CCR9: variants seen among roughly 807,000 people sequenced by gnomAD.
CCR9 encodes C-C chemokine receptor type 9.
CCR9 carries 4 observed loss-of-function variants against 8.7 expected under a neutral mutation model. The ratio of observed to expected loss-of-function variants is 0.46; its 90% CI spans 0.23 to 1.06. The LOEUF is 1.06. CCR9 is among the 50% of genes least tolerant of loss of function. CCR9 has a pLI of 0.21. For missense variants in CCR9, 394 were observed against 453.6 expected, an observed-to-expected ratio of 0.87 and a Z score of 1.19; for synonymous variants, 159 against 168.8, an observed-to-expected ratio of 0.94 and a Z score of 0.45.
Position 45,901,728 on chromosome 3 carries a change from C to G in CCR9, c.940C>G (p.Pro314Ala). 6.2e-7 allele frequency: 1 copy of G among 1,614,204 alleles called. No homozygotes were observed. Among genetic ancestry groups the G allele is most frequent in the South Asian group, 1.1e-5 (1 of 91,078 alleles). The change falls in exon 3 of 3, where the codon CCT becomes GCT. Residue 314 changes from proline to alanine, a missense_variant. Physicochemically the swap from Pro to Ala is conservative, Grantham distance 27 (BLOSUM62 -1). Transcript: ENST00000357632. The surrounding 1 kb of genome is among the most constrained non-coding windows in gnomAD (Gnocchi z 4.3). ...CGCCTTCTTCCACAGTTGCCTGAAC[C>G]CTGTTCTCTATGTTTTTGTGGGTGA... ...TIAFFHSCLN[P>A]VLYVFVGERF...
chr3:45,901,070 C>T lies in CCR9; in HGVS notation c.282C>T (p.Asp94=), dbSNP rs764165054. The change falls in exon 3 of 3, where the codon GAC becomes GAT. Residue 94 remains aspartate, a synonymous_variant. Transcript: ENST00000357632. This position sits in a 1 kb window ranked among gnomAD's most constrained non-coding sequence, Gnocchi z 4.3. ...TCCTTTTGAATTTGGCAATTGCTGACCTCCTCTTTCTTGTCACTCTTCCCT... is the reference window on the plus strand; with the variant it reads ...TCCTTTTGAATTTGGCAATTGCTGATCTCCTCTTTCTTGTCACTCTTCCCT... ...DMFLLNLAIA[D]LLFLVTLPFW... is the part of the protein sequence containing the mutation. 6.2e-7 allele frequency: 1 copy of T among 1,614,200 alleles called. No individual in the cohort carries two copies. The highest frequency in any genetic ancestry group is 1.1e-5 in the South Asian group (1 of 91,088).
chr3:45,901,773 G>T lies in CCR9; in HGVS notation c.985G>T (p.Val329Leu). The T allele has an allele frequency of 6.2e-7, 1 of 1,614,156 alleles. No individual in the cohort carries two copies. Among genetic ancestry groups the T allele is most frequent in the Non-Finnish European group, 8.5e-7 (1 of 1,180,042 alleles). ...FVGERFRRDL[V>L]KTLKNLGCIS... ...GGGTGAGAGATTCCGCCGGGATCTC[G>T]TGAAAACCCTGAAGAACTTGGGTTG... The change falls in exon 3 of 3, where the codon GTG becomes TTG. Residue 329 changes from valine (V) to leucine (L), a missense_variant. By Grantham distance (32) the Val-to-Leu change is conservative. Coordinates refer to ENST00000357632, the MANE Select transcript of CCR9 (RefSeq NM_031200.3). This position sits in a 1 kb window ranked among gnomAD's most constrained non-coding sequence, Gnocchi z 4.3.
chr3:45,898,505 A>G (rs1702441169), intron 2 of CCR9, among the ~76,000 whole-genome samples: 1 of 152,206 alleles, frequency 6.6e-6, no homozygotes, highest in Non-Finnish European at 1.5e-5. Flanking sequence ...TTTGTGGGCC[A>G]TTTCCAGCTG....
At position 45,902,097 on chromosome 3, in the gene CCR9, T is replaced by G; in HGVS notation, c.*199T>G. On this transcript the variant is annotated 3_prime_UTR_variant, in exon 3 of 3. Transcript: ENST00000357632. Reference sequence around the variant, plus strand: ...ACTGACTAGTGCAGGAGGCTGTTGATTGGCTCTTGACTGTGATGCCCGCAA... The same window carrying G: ...ACTGACTAGTGCAGGAGGCTGTTGAGTGGCTCTTGACTGTGATGCCCGCAA... The G allele has an allele frequency of 1.8e-6, 1 of 549,046 alleles. No individual in the cohort carries two copies. Among genetic ancestry groups the G allele is most frequent in the Non-Finnish European group, 3.2e-6 (1 of 307,988 alleles). 34.0% of individuals were successfully genotyped at this position (549,046 alleles called of 1,614,324 possible). A position where few individuals can be genotyped will look rare whatever the true frequency, so the allele number is the denominator to read the frequency against.
chr3:45,899,974 C>A (rs934232448), intron 2 of CCR9, among the ~76,000 whole-genome samples: 2 of 151,946 alleles, frequency 1.3e-5, no homozygotes, highest in Admixed American at 6.6e-5. Flanking sequence ...TGAGTGTGTA[C>A]CTATGTGTAT....
At chr3:45,892,100 C>T (rs1347310379) in intron 1 of CCR9, among the ~76,000 whole-genome samples, 2 of 152,110 alleles carry the variant, frequency 1.3e-5, no homozygotes, top group African/African-American at 4.8e-5. Flanking sequence ...GATCAGGGCA[C>T]TAGGTGCTAA....
In CCR9 at chr3:45,901,177, T is replaced by A. The variant is rs1459692450; in HGVS notation, c.389T>A (p.Phe130Tyr). The change falls in exon 3 of 3, where the codon TTC becomes TAC. Residue 130 changes from phenylalanine to tyrosine, a missense_variant. Transcript: ENST00000357632. The surrounding 1 kb of genome is among the most constrained non-coding windows in gnomAD (Gnocchi z 4.3). ...GTCAACAGCATGTACAAGATGAACT[T>A]CTACAGCTGTGTGTTGCTGATCATG... Reference protein sequence around the residue: ...KVVNSMYKMNFYSCVLLIMCI... With the variant: ...KVVNSMYKMNYYSCVLLIMCI... 6.2e-7 allele frequency: 1 copy of A among 1,614,210 alleles called. No individual in the cohort carries two copies. Among genetic ancestry groups the A allele is most frequent in the Admixed American group, 1.7e-5 (1 of 60,016 alleles).
At chr3:45,896,509 G>A (rs1396150716) in intron 2 of CCR9, among the ~76,000 whole-genome samples, 1 of 152,212 alleles carries the variant, frequency 6.6e-6, no homozygotes, top group Non-Finnish European at 1.5e-5. Context: ...CAGCGTCACA[G>A]TAAAGGCAGA....
upstream of CCR9, among the ~76,000 whole-genome samples, chr3:45,886,098 G>A (rs72884905): frequency 6.6e-6 from 1 of 152,160 alleles, no homozygotes; most frequent in Non-Finnish European, 1.5e-5. Context: ...ACAGCCCTCC[G>A]GGTTCTGGTA....
intron 1 of CCR9, among the ~76,000 whole-genome samples, chr3:45,894,206 C>T (rs9855205): frequency 0.091 from 13,908 of 152,184 alleles, 678 homozygotes; most frequent in Non-Finnish European, 0.11. Flanking sequence ...CAGTCAGTTC[C>T]GAGGCCCTGT....
Position 45,902,099 on chromosome 3 carries a change from G to T in CCR9, c.*201G>T. On this transcript the variant is annotated 3_prime_UTR_variant, in exon 3 of 3. Transcript: ENST00000357632. ...TGACTAGTGCAGGAGGCTGTTGATTGGCTCTTGACTGTGATGCCCGCAATT... is the reference window on the plus strand; with the variant it reads ...TGACTAGTGCAGGAGGCTGTTGATTTGCTCTTGACTGTGATGCCCGCAATT... The T allele has an allele frequency of 1.9e-6, 1 of 535,058 alleles. No homozygotes were observed. Among genetic ancestry groups the T allele is most frequent in the Non-Finnish European group, 3.3e-6 (1 of 300,580 alleles). 33.1% of individuals were successfully genotyped at this position (535,058 alleles called of 1,614,324 possible).
chr3:45,887,573 T>A (rs1227398858), intron 1 of CCR9, among the ~76,000 whole-genome samples: 3 of 152,238 alleles, frequency 2.0e-5, no homozygotes, highest in East Asian at 3.8e-4. Context: ...GGTCACTGTG[T>A]GCTGAACCGG....
Position 45,900,396 on chromosome 3 carries a change from TAGG to T in CCR9, c.22-411_22-409del, listed in dbSNP as rs1365082797. Among the ~76,000 whole-genome samples, 1 of 152,092 alleles carries T rather than the reference TAGG, an allele frequency of 6.6e-6. No individual in the cohort carries two copies. The highest frequency in any genetic ancestry group is 1.5e-5 in the Non-Finnish European group (1 of 68,006). The stretch of plus-strand genomic sequence containing the variant: ...TAGGGTCAGTGAAAAACTGAATAGA[TAGG>T]AGAAGTACGATCACAGTCATATCAC... On this transcript the variant is annotated intron_variant, in intron 2 of 2. Coordinates refer to ENST00000357632, the MANE Select transcript of CCR9 (RefSeq NM_031200.3). The surrounding 1 kb of genome is among the most constrained non-coding windows in gnomAD (Gnocchi z 4.7).
At chr3:45,890,673 A>T (rs979638031) in intron 1 of CCR9, among the ~76,000 whole-genome samples, 1 of 152,030 alleles carries the variant, frequency 6.6e-6, no homozygotes, top group African/African-American at 2.4e-5. Context: ...GCCTGGGGAA[A>T]GTTCTTGGTT....
At chr3:45,893,652 T>C (rs920144690) in intron 1 of CCR9, among the ~76,000 whole-genome samples, 1 of 152,242 alleles carries the variant, frequency 6.6e-6, no homozygotes, top group Non-Finnish European at 1.5e-5. Context: ...CCCTATTCCA[T>C]TGGACGGATA....
chr3:45,896,812 C>T (rs1225845024), intron 2 of CCR9, among the ~76,000 whole-genome samples: 1 of 152,260 alleles, frequency 6.6e-6, no homozygotes, highest in Non-Finnish European at 1.5e-5. Flanking sequence ...CCCCCATTGC[C>T]TTGTGCCCAT....
At chr3:45,888,364 C>T (rs1702047539) in intron 1 of CCR9, among the ~76,000 whole-genome samples, 3 of 152,226 alleles carry the variant, frequency 2.0e-5, no homozygotes, top group African/African-American at 4.8e-5. Context: ...GAGCTAAAGA[C>T]ATGACCTCCT....
At chr3:45,890,737 T>G (rs1264205461) in intron 1 of CCR9, among the ~76,000 whole-genome samples, 1 of 152,130 alleles carries the variant, frequency 6.6e-6, no homozygotes, top group Non-Finnish European at 1.5e-5. Context: ...AAAATGCATC[T>G]TTCATTCACC....
intron 2 of CCR9, among the ~76,000 whole-genome samples, chr3:45,897,975 CAA>C (rs72284250): frequency 0.1 from 10,933 of 105,900 alleles, 510 homozygotes; most frequent in East Asian, 0.29. Context: ...GCTATTTGAC[CAA>C]AAAAAAAAAA....
Sources: allele counts gnomAD v4.1 joint callset (sites outside exome capture counted in the v4.1 genomes callset), GRCh38; gene constraint gnomAD v4.1.1; non-coding constraint Gnocchi (gnomAD v3.1); transcripts MANE v1.5; gene names NCBI Gene and HGNC (gene_info 2026-07-23, HGNC 2026-07-21).